Variants in SLC35G2 observed in about 807,000 individuals in gnomAD.
SLC35G2 encodes solute carrier family 35 member G2, also known as transmembrane protein 22.
Under a neutral mutation model 27.2 loss-of-function variants are expected in SLC35G2, and 20 were observed. The ratio of observed to expected loss-of-function variants is 0.74; its 90% CI spans 0.52 to 1.07. SLC35G2 has a LOEUF of 1.07. Among genes scored for constraint, SLC35G2 ranks in the 50% least tolerant of loss-of-function variants. The pLI is 0.00. For missense variants in SLC35G2, 416 were observed against 493.3 expected (o/e 0.84, Z 1.48); for synonymous variants, 148 against 165.3 (o/e 0.90, Z 0.80).
At chr3:136,821,826 T>G (rs1257448992) in intron 1 of SLC35G2, among the ~76,000 whole-genome samples, 1 of 152,230 alleles carries the variant, frequency 6.6e-6, no homozygotes, top group East Asian at 1.9e-4. Flanking sequence ...TTAGAGCTTA[T>G]GCATCTTGCT....
Position 136,849,104 on chromosome 3 carries a change from G to A in SLC35G2, c.-18-5339G>A, listed in dbSNP as rs181262191. ...TGAGGCAGGAGAGTCGCTTGAATCC[G>A]GAGGTGGAGGTTGTAGTGAGCCAAG... On this transcript the variant is annotated intron_variant, in intron 1 of 1. Transcript: ENST00000446465. Among the ~76,000 whole-genome samples the A allele has an allele frequency of 7.9e-5, 12 of 151,986 alleles. No individual in the cohort carries two copies. In the East Asian group the frequency reaches 1.5e-3, roughly 20 times the overall value.
intron 1 of SLC35G2, among the ~76,000 whole-genome samples, chr3:136,852,320 G>A (rs1937687406): frequency 1.3e-5 from 2 of 152,172 alleles, no homozygotes; most frequent in South Asian, 2.1e-4. Flanking sequence ...GCTGAAGGTG[G>A]TGCCTTTTAG....
At chr3:136,843,703 C>T (rs914603484) in intron 1 of SLC35G2, among the ~76,000 whole-genome samples, 4 of 151,652 alleles carry the variant, frequency 2.6e-5, no homozygotes, top group Admixed American at 6.6e-5. Context: ...GAGGCCAAGG[C>T]GGGAGGATCA....
chr3:136,847,851 C>A (rs1344997721), intron 1 of SLC35G2, among the ~76,000 whole-genome samples: 1 of 152,024 alleles, frequency 6.6e-6, no homozygotes, highest in African/African-American at 2.4e-5. Context: ...GTGGTGGGTG[C>A]CTGTAATCCC....
chr3:136,850,911 G>A (rs933741126), intron 1 of SLC35G2, among the ~76,000 whole-genome samples: 1 of 152,118 alleles, frequency 6.6e-6, no homozygotes, highest in Non-Finnish European at 1.5e-5. Flanking sequence ...CTTGAGCCCT[G>A]GAGGTCGAGG....
intron 1 of SLC35G2, among the ~76,000 whole-genome samples, chr3:136,828,549 C>G (rs1936646589): frequency 1.3e-5 from 2 of 152,122 alleles, no homozygotes; most frequent in South Asian, 4.1e-4. Flanking sequence ...ATTAGTATAA[C>G]TACTTTTGTC....
At position 136,819,494 on chromosome 3, in the gene SLC35G2, G is replaced by C. The variant is rs934444568; in HGVS notation, c.-153G>C. 6.6e-6 allele frequency: 1 copy of C among 152,184 alleles called. No individual in the cohort carries two copies. The allele number at this position is 152,184 out of a possible 1,614,324, so 9.4% of individuals were successfully genotyped here. A position where few individuals can be genotyped will look rare whatever the true frequency, so the allele number is the denominator to read the frequency against. ...TCCTGGAGAACCGGGACACGGGGAC[G>C]GGAGGGCCAGCATCGGCTACGGCCC... is the stretch of plus-strand genomic sequence containing the variant. On this transcript the variant is annotated 5_prime_UTR_variant, in exon 1 of 2. Transcript: ENST00000446465.
intron 1 of SLC35G2, among the ~76,000 whole-genome samples, chr3:136,852,139 T>C (rs186781440): frequency 1.3e-5 from 2 of 152,198 alleles, no homozygotes; most frequent in African/African-American, 2.4e-5. Context: ...ACTATTCAGT[T>C]TGGGATTGTT....
intron 1 of SLC35G2, among the ~76,000 whole-genome samples, chr3:136,840,729 T>C (rs1483991234): frequency 6.6e-6 from 1 of 151,986 alleles, no homozygotes; most frequent in Non-Finnish European, 1.5e-5. Context: ...GTTCAAGTGA[T>C]TCTCCTGCCT....
At chr3:136,847,617 G>A (rs535669798) in intron 1 of SLC35G2, among the ~76,000 whole-genome samples, 3 of 151,688 alleles carry the variant, frequency 2.0e-5, no homozygotes, top group Non-Finnish European at 4.4e-5. Flanking sequence ...ATGTTCTTGT[G>A]GGGGCTGGAT....
intron 1 of SLC35G2, among the ~76,000 whole-genome samples, chr3:136,832,851 G>A (rs577028606): frequency 5.3e-5 from 8 of 152,026 alleles, no homozygotes; most frequent in South Asian, 2.1e-4. Context: ...GGTGGATCAC[G>A]AGGTCAGGAG....
intron 1 of SLC35G2, among the ~76,000 whole-genome samples, chr3:136,853,505 T>G (rs954660492): frequency 6.6e-6 from 1 of 152,170 alleles, no homozygotes; most frequent in Non-Finnish European, 1.5e-5. Context: ...CATTTTTTGG[T>G]ATATTCTTTT....
At chr3:136,826,362 G>T in intron 1 of SLC35G2, among the ~76,000 whole-genome samples, 1 of 152,084 alleles carries the variant, frequency 6.6e-6, no homozygotes, top group East Asian at 1.9e-4. Flanking sequence ...GGGAGGAAAA[G>T]AACTTTAGAA....
At chr3:136,824,900 GC>G (rs1288038551) in intron 1 of SLC35G2, among the ~76,000 whole-genome samples, 1 of 151,920 alleles carries the variant, frequency 6.6e-6, no homozygotes, top group Non-Finnish European at 1.5e-5. Flanking sequence ...CCCTACCCCA[GC>G]CCCTGACTCC....
At chr3:136,836,669 G>A (rs546027654) in intron 1 of SLC35G2, among the ~76,000 whole-genome samples, 45 of 152,276 alleles carry the variant, frequency 3.0e-4, no homozygotes, top group Non-Finnish European at 4.6e-4. Flanking sequence ...GGAGCATCAA[G>A]CCAAATGCTC....
At chr3:136,841,550 GA>G (rs1937096869) in intron 1 of SLC35G2, among the ~76,000 whole-genome samples, 1 of 152,030 alleles carries the variant, frequency 6.6e-6, no homozygotes, top group African/African-American at 2.4e-5. Flanking sequence ...CTAACATGGA[GA>G]AACCCCGTCT....
In SLC35G2 at chr3:136,854,500, C is replaced by T. The variant is rs756990485; in HGVS notation, c.40C>T (p.Arg14Trp). 2.9e-5 allele frequency: 46 copies of T among 1,583,476 alleles called. No homozygotes were observed. The highest frequency in any genetic ancestry group is 3.5e-5 in the South Asian group (3 of 86,048). Residue 14 changes from arginine (R) to tryptophan (W), a missense_variant, in exon 2 of 2, where the codon CGG becomes TGG. Transcript: ENST00000446465. ...CTCCAGAAAATATCCAGTTAAAAAA[C>T]GGGTGAAAATACATCCCAACACAGT... ...SPSRKYPVKKRVKIHPNTVMV... is the reference protein window; with the variant it reads ...SPSRKYPVKKWVKIHPNTVMV...
At chr3:136,854,398 T>C (rs1392623706) in intron 1 of SLC35G2, 45 bp from the exon 2 acceptor site, 120 of 1,275,918 alleles carry the variant, frequency 9.4e-5, no homozygotes, top group Non-Finnish European at 1.2e-4. Flanking sequence ...AAATTAAATT[T>C]TCAATGAAAT....
intron 1 of SLC35G2, among the ~76,000 whole-genome samples, chr3:136,850,179 A>T (rs764163096): frequency 6.6e-6 from 1 of 152,226 alleles, no homozygotes; most frequent in Non-Finnish European, 1.5e-5. Context: ...CAAGTGATAC[A>T]GTTTGTTTCA....
Sources: gnomAD v4.1 joint callset for allele counts (sites outside exome capture counted in the v4.1 genomes callset) on GRCh38, gnomAD v4.1.1 for gene constraint, MANE v1.5 for transcripts, NCBI Gene and HGNC (gene_info 2026-07-23, HGNC 2026-07-21) for gene names.